The following CTNNA3 variants were observed in gnomAD, a reference collection of about 807,000 sequenced individuals.
CTNNA3 encodes catenin alpha 3.
Under a neutral mutation model 95.7 loss-of-function variants are expected in CTNNA3, and 76 were observed. The observed-to-expected ratio is 0.79, with a 90% confidence interval of 0.66 to 0.96. The LOEUF is 0.96. Among genes scored for constraint, CTNNA3 ranks in the 40% least tolerant of loss-of-function variants. The probability of loss-of-function intolerance (pLI) is 0.00; values close to 1 mark genes in which losing one functional copy is unlikely to be tolerated. For synonymous variants in CTNNA3, 431 were observed against 374.4 expected, an observed-to-expected ratio of 1.15 and a Z score of -1.74; for missense variants, 1,191 against 1,089.8, an observed-to-expected ratio of 1.09 and a Z score of -1.31.
At chr10:65,978,712 C>A (rs1299172373) in intron 16 of CTNNA3, among the ~76,000 whole-genome samples, 1 of 152,146 alleles carries the variant, frequency 6.6e-6, no homozygotes, top group Non-Finnish European at 1.5e-5. Context: ...ACCTATTCAA[C>A]TATTTTTTCT....
At chr10:66,076,539 A>G (rs2133624418) in intron 14 of CTNNA3, among the ~76,000 whole-genome samples, 1 of 151,774 alleles carries the variant, frequency 6.6e-6, no homozygotes, top group African/African-American at 2.4e-5. Context: ...GACTTAAAAT[A>G]TATATTTGCT....
In CTNNA3 at chr10:66,249,351, T is replaced by C. The variant is rs117198947; in HGVS notation, c.1884+31119A>G. 1.4e-4 allele frequency among the ~76,000 whole-genome samples: 22 copies of C among 152,136 alleles called. No homozygotes were observed. The East Asian group carries it at 3.9e-3, about 27-fold the overall frequency. The stretch of plus-strand genomic sequence containing the variant: ...GTGAAGAGACAACCACAGAATGCGA[T>C]AAAATATTTGCAAACTACCCCCCTG... On this transcript the variant is annotated intron_variant, in intron 13 of 17. Transcript: ENST00000433211.
At chr10:67,385,206 G>A (rs764819905) in intron 5 of CTNNA3, among the ~76,000 whole-genome samples, 4 of 152,240 alleles carry the variant, frequency 2.6e-5, no homozygotes, top group Non-Finnish European at 5.9e-5. Context: ...GCTTTATGCA[G>A]CTTATAGTCT....
chr10:65,928,118 C>A (rs1196487829), intron 17 of CTNNA3, among the ~76,000 whole-genome samples: 2 of 152,074 alleles, frequency 1.3e-5, no homozygotes, highest in Non-Finnish European at 2.9e-5. Context: ...TGCTTTCTTC[C>A]AGATATTTGA....
At chr10:66,019,395 C>T (rs1032091738) in intron 15 of CTNNA3, among the ~76,000 whole-genome samples, 25 of 152,034 alleles carry the variant, frequency 1.6e-4, no homozygotes, top group African/African-American at 5.3e-4. Context: ...ACCTATCTTT[C>T]GCTTGCCTTC....
intron 7 of CTNNA3, among the ~76,000 whole-genome samples, chr10:66,776,638 TC>T (rs1431473523): frequency 1.1e-4 from 17 of 152,128 alleles, no homozygotes; most frequent in Non-Finnish European, 1.8e-4. Flanking sequence ...CTGTCTCTTC[TC>T]CCCAGTTCTT....
intron 7 of CTNNA3, among the ~76,000 whole-genome samples, chr10:67,011,603 T>C (rs1852343470): frequency 1.3e-5 from 2 of 152,162 alleles, no homozygotes; most frequent in Admixed American, 1.3e-4. Context: ...ATTTTTTCCC[T>C]AAAATTTTTA....
intron 13 of CTNNA3, among the ~76,000 whole-genome samples, chr10:66,209,890 T>G (rs777132942): frequency 2.6e-5 from 4 of 151,994 alleles, no homozygotes; most frequent in Admixed American, 6.6e-5. Context: ...TTTAAGTCTA[T>G]CCTACAAGCA....
At chr10:67,322,741 T>C (rs916122053) in intron 5 of CTNNA3, among the ~76,000 whole-genome samples, 4 of 152,238 alleles carry the variant, frequency 2.6e-5, no homozygotes, top group African/African-American at 9.6e-5. Context: ...ATATACCCAG[T>C]ATTTGAATTG....
chr10:66,477,730 A>T (rs541699263), intron 11 of CTNNA3, among the ~76,000 whole-genome samples: 3 of 152,198 alleles, frequency 2.0e-5, no homozygotes, highest in African/African-American at 7.2e-5. Context: ...CTATAACTTC[A>T]CACATCAGGA....
chr10:67,364,759 T>C (rs760899034), intron 5 of CTNNA3, among the ~76,000 whole-genome samples: 1 of 152,174 alleles, frequency 6.6e-6, no homozygotes, highest in African/African-American at 2.4e-5. Flanking sequence ...TCCATGCTCA[T>C]GGATAGGAAG....
In CTNNA3 at chr10:66,819,714, A is replaced by G. The variant is rs190149634; in HGVS notation, c.1048-44190T>C. Among the ~76,000 whole-genome samples the G allele has an allele frequency of 3.3e-3, 496 of 152,294 alleles. No homozygotes were observed. The Middle Eastern group carries it at 0.034, about 10-fold the overall frequency. On this transcript the variant is annotated intron_variant, in intron 7 of 17. Transcript: ENST00000433211. Reference sequence around the variant, plus strand: ...GACTAAACATTTTTCTAGACATACAAATGGTCAATACAAACAGATACTCAG... The same window carrying G: ...GACTAAACATTTTTCTAGACATACAGATGGTCAATACAAACAGATACTCAG...
rs942748342 is a variant in CTNNA3 at position 66,850,680 on chromosome 10, T to C, written c.1048-75156A>G. ...GACAACCATTTTTTTTCAAGCTGGG[T>C]AGAGTATGTGAAATATAAGAAAGCA... On this transcript the variant is annotated intron_variant, in intron 7 of 17. Transcript: ENST00000433211. Among the ~76,000 whole-genome samples, 13 of 151,598 alleles carry C rather than the reference T, an allele frequency of 8.6e-5. No individual in the cohort carries two copies. The East Asian group carries it at 2.5e-3, about 29-fold the overall frequency.
chr10:66,568,584 G>T (rs1038665563), intron 10 of CTNNA3, among the ~76,000 whole-genome samples: 5 of 151,954 alleles, frequency 3.3e-5, no homozygotes, highest in Non-Finnish European at 4.4e-5. Context: ...AACATTTTTA[G>T]AGCTCAGAAT....
In CTNNA3 at chr10:66,233,739, T is replaced by C. The variant is rs962331796; in HGVS notation, c.1884+46731A>G. Among the ~76,000 whole-genome samples, 15 of 152,272 alleles carry C rather than the reference T, an allele frequency of 9.9e-5. No individual in the cohort carries two copies. In the East Asian group the frequency reaches 1.9e-3, roughly 20 times the overall value. On this transcript the variant is annotated intron_variant, in intron 13 of 17. Coordinates refer to ENST00000433211, the MANE Select transcript of CTNNA3 (RefSeq NM_013266.4). Reference sequence around the variant, plus strand: ...GTGGATTAAACATATATATAAAACTTTGGAACTTGCCGTATCTTCTAAAGC... The same window carrying C: ...GTGGATTAAACATATATATAAAACTCTGGAACTTGCCGTATCTTCTAAAGC...
intron 13 of CTNNA3, among the ~76,000 whole-genome samples, chr10:66,159,129 A>C (rs182496389): frequency 2.6e-5 from 4 of 151,970 alleles, no homozygotes; most frequent in Non-Finnish European, 5.9e-5. Context: ...CTTCCTCTTT[A>C]CCAATTTGGA....
At chr10:67,127,032 C>CA (rs1859752659) in intron 7 of CTNNA3, among the ~76,000 whole-genome samples, 1 of 152,164 alleles carries the variant, frequency 6.6e-6, no homozygotes, top group Non-Finnish European at 1.5e-5. Context: ...TATTTTCTGC[C>CA]TGACAACTCA....
chr10:66,704,688 A>G (rs957766736), intron 9 of CTNNA3, among the ~76,000 whole-genome samples: 3 of 152,088 alleles, frequency 2.0e-5, no homozygotes, highest in Non-Finnish European at 2.9e-5. Context: ...TTTTTTGACT[A>G]CACCAGTCAC....
chr10:66,468,279 T>G (rs1172656943), intron 11 of CTNNA3, among the ~76,000 whole-genome samples: 1 of 151,990 alleles, frequency 6.6e-6, no homozygotes, highest in Admixed American at 6.6e-5. Flanking sequence ...AAAAAGTAAG[T>G]GTACAGAGAG....
Sources: gnomAD v4.1 joint callset for allele counts (sites outside exome capture counted in the v4.1 genomes callset) on GRCh38, gnomAD v4.1.1 for gene constraint, MANE v1.5 for transcripts, NCBI Gene and HGNC (gene_info 2026-07-23, HGNC 2026-07-21) for gene names.